Variants in GAS6 observed in about 807,000 individuals in gnomAD.
GAS6 encodes growth arrest specific 6, also known as growth arrest-specific protein 6.
In GAS6, 41 loss-of-function variants were observed where a neutral mutation model predicts 75.8. The ratio of observed to expected loss-of-function variants is 0.54; its 90% CI spans 0.42 to 0.70. The LOEUF (loss-of-function observed/expected upper bound fraction) is 0.70. Among genes scored for constraint, GAS6 ranks in the 30% least tolerant of loss-of-function variants. The probability of loss-of-function intolerance (pLI) is 0.00; values close to 1 mark genes in which losing one functional copy is unlikely to be tolerated. For synonymous variants in GAS6, 432 were observed against 412.6 expected (o/e 1.05, Z -0.57); for missense variants, 854 against 940.2 (o/e 0.91, Z 1.20).
rs1194235407 is a variant in GAS6 at position 113,823,544 on chromosome 13, G to A, written c.1484C>T (p.Thr495Ile). The A allele has an allele frequency of 1.2e-6, 2 of 1,610,278 alleles. No individual in the cohort carries two copies. Among genetic ancestry groups the A allele is most frequent in the Non-Finnish European group, 1.7e-6 (2 of 1,178,302 alleles). ...FAFYSLDYMR[T>I]PLDVGTESTW... ...TGATTCAGTCCCGACGTCCAGAGGG[G>A]TCCGCACTGCAATGAAAGCGGTGCA... The change falls in exon 13 of 15, where the codon ACC (threonine) becomes ATC (isoleucine). Residue 495 changes from threonine (T) to isoleucine (I), a missense_variant. Thr to Ile is a moderately conservative substitution (Grantham distance 89, BLOSUM62 -1). Coordinates refer to ENST00000327773, the MANE Select transcript of GAS6 (RefSeq NM_000820.4).
At position 113,821,920 on chromosome 13, in the gene GAS6, G is replaced by C; in HGVS notation, c.1882+38C>G. On this transcript the variant is annotated intron_variant, in intron 14 of 14. Transcript: ENST00000327773. ...GGTGACCAAGCTGGGCCTCCCTGGA[G>C]CTCTTCACCCGGGTTGAGCGGAGCA... is the stretch of plus-strand genomic sequence containing the variant. 3 of 1,466,212 alleles carry C rather than the reference G, an allele frequency of 2.0e-6. No individual in the cohort carries two copies. The South Asian group carries it at 3.9e-5, about 19-fold the overall frequency. The allele number at this position is 1,466,212 out of a possible 1,614,324, so 90.8% of individuals were successfully genotyped here.
rs750258083 is a variant in GAS6 at position 113,821,026 on chromosome 13, G to A, written c.1883-8C>T. 16 of 1,611,830 alleles carry A rather than the reference G, an allele frequency of 9.9e-6. No homozygotes were observed. The highest frequency in any genetic ancestry group is 4.0e-5 in the African/African-American group (3 of 74,916). The stretch of plus-strand genomic sequence containing the variant: ...CTGAAGTCACCGGCACATCTGGGCC[G>A]CAGGGAGAGAACAACATATCTTAGC... On this transcript the variant is annotated splice_region_variant and splice_polypyrimidine_tract_variant and intron_variant, in intron 14 of 14. Transcript: ENST00000327773.
chr13:113,859,386 G>C (rs541361046), intron 2 of GAS6, among the ~76,000 whole-genome samples: 1 of 151,206 alleles, frequency 6.6e-6, no homozygotes, highest in Admixed American at 6.6e-5. Context: ...ATGTGTGCAT[G>C]TATGTATACA....
Position 113,855,110 on chromosome 13 carries a change from C to T in GAS6, c.256-7060G>A, listed in dbSNP as rs536753521. On this transcript the variant is annotated intron_variant, in intron 2 of 14. Coordinates refer to ENST00000327773, the MANE Select transcript of GAS6 (RefSeq NM_000820.4). ...ATATAAAACAGCAAAATAAAATAGT[C>T]GTGGGCACAGGGCCAGTGATTCTGC... Among the ~76,000 whole-genome samples, 131 of 152,342 alleles carry T rather than the reference C, an allele frequency of 8.6e-4. No homozygotes were observed. In the South Asian group the frequency reaches 8.7e-3, roughly 10 times the overall value.
At chr13:113,858,212 CTGTG>C (rs1276781188) in intron 2 of GAS6, among the ~76,000 whole-genome samples, 1 of 152,200 alleles carries the variant, frequency 6.6e-6, no homozygotes, top group Non-Finnish European at 1.5e-5. Flanking sequence ...GCACATGTGT[CTGTG>C]TGTGTCTGCA....
At chr13:113,824,910 A>G (rs2051515027) in intron 12 of GAS6, among the ~76,000 whole-genome samples, 1 of 152,148 alleles carries the variant, frequency 6.6e-6, no homozygotes. Context: ...GGGAGAGATG[A>G]TGGTGTTCTT....
At chr13:113,851,074 A>G (rs149168784) in intron 2 of GAS6, among the ~76,000 whole-genome samples, 3,905 of 151,584 alleles carry the variant, frequency 0.026, 77 homozygotes, top group Non-Finnish European at 0.036. Flanking sequence ...TGAACAAATG[A>G]ATGAGTGGAT....
chr13:113,847,007 C>T (rs2051839266), intron 3 of GAS6: 2 of 506,930 alleles, frequency 3.9e-6, no homozygotes, highest in Non-Finnish European at 7.8e-6. Flanking sequence ...TCCATGCTCT[C>T]TGGCTGGCTG....
At chr13:113,846,452 C>G (rs1594205701) in intron 4 of GAS6, 75 bp downstream of exon 4, 2 of 1,345,812 alleles carry the variant, frequency 1.5e-6, no homozygotes, top group Non-Finnish European at 2.1e-6. Context: ...TCAGGGCCCT[C>G]CACAAACCAC....
intron 12 of GAS6, among the ~76,000 whole-genome samples, chr13:113,824,390 T>G (rs1239633403): frequency 7.0e-6 from 1 of 142,178 alleles, no homozygotes; most frequent in African/African-American, 2.6e-5. Flanking sequence ...GCACGCGCGG[T>G]CTGGGGTCTG....
At position 113,820,588 on chromosome 13, in the gene GAS6, A is replaced by G; in HGVS notation, c.*276T>C. The G allele has an allele frequency of 4.5e-6, 2 of 442,888 alleles. No homozygotes were observed. Among genetic ancestry groups the G allele is most frequent in the Non-Finnish European group, 8.0e-6 (2 of 248,482 alleles). The allele number at this position is 442,888 out of a possible 1,614,324, so 27.4% of individuals were successfully genotyped here. A position where few individuals can be genotyped will look rare whatever the true frequency, so the allele number is the denominator to read the frequency against. On this transcript the variant is annotated 3_prime_UTR_variant, in exon 15 of 15. Coordinates refer to ENST00000327773, the MANE Select transcript of GAS6 (RefSeq NM_000820.4). ...GTAAATATTTTATTTTCCATATTTT[A>G]GAGTCAGAAAGAAGCGCTTGGTAAT...
In GAS6 at chr13:113,837,981, G is replaced by A; in HGVS notation, c.589+88C>T. The A allele has an allele frequency of 2.6e-6, 4 of 1,526,468 alleles. No homozygotes were observed. The highest frequency in any genetic ancestry group is 3.5e-5 in the Admixed American group (2 of 56,910). The allele number at this position is 1,526,468 out of a possible 1,614,324, so 94.6% of individuals were successfully genotyped here. A position where few individuals can be genotyped will look rare whatever the true frequency, so the allele number is the denominator to read the frequency against. ...ATCCAGAACCACAGGAACCCAGCCA[G>A]CAGCAGCCGCTTGCAGAAGAGCAGA... On this transcript the variant is annotated intron_variant, in intron 6 of 14. Coordinates refer to ENST00000327773, the MANE Select transcript of GAS6 (RefSeq NM_000820.4). The surrounding 1 kb of genome is among the most constrained non-coding windows in gnomAD (Gnocchi z 5.1).
At chr13:113,846,910 C>G (rs781169054) in intron 3 of GAS6, 2 of 471,130 alleles carry the variant, frequency 4.2e-6, no homozygotes, top group Non-Finnish European at 4.1e-6. Context: ...TGACGGTACT[C>G]GAAAAGCTAA....
chr13:113,846,754 A>G (rs1166415378), intron 3 of GAS6, among the ~76,000 whole-genome samples, 165 bp from the exon 4 acceptor site: 1 of 152,232 alleles, frequency 6.6e-6, no homozygotes, highest in African/African-American at 2.4e-5. Flanking sequence ...AAAACATGTT[A>G]GCCCCAACCC....
At chr13:113,822,381 G>A in intron 13 of GAS6, 195 bp from the exon 14 acceptor site, 1 of 492,384 alleles carries the variant, frequency 2.0e-6, no homozygotes, top group East Asian at 3.3e-5. Flanking sequence ...CAGCTTCTCT[G>A]CACGTAAAGC....
chr13:113,825,234 C>CAAAAAAA (rs71105207), intron 12 of GAS6, among the ~76,000 whole-genome samples: 1 of 58,360 alleles, frequency 1.7e-5, no homozygotes, highest in Non-Finnish European at 3.2e-5. Context: ...AACTCCGTCT[C>CAAAAAAA]AAAAAAAAAA....
intron 10 of GAS6, among the ~76,000 whole-genome samples, chr13:113,831,418 G>A (rs1046749342): frequency 2.0e-5 from 3 of 152,296 alleles, no homozygotes; most frequent in South Asian, 2.1e-4. Context: ...CGGGAGACAC[G>A]TACGGCGGGA....
chr13:113,840,262 T>C (rs930667520), intron 4 of GAS6: 1 of 204,586 alleles, frequency 4.9e-6, no homozygotes, highest in Non-Finnish European at 9.8e-6. Context: ...CCCTAGCCCA[T>C]CTCTGGTGAA....
In GAS6 at chr13:113,828,226, T is replaced by C. The variant is rs914578136; in HGVS notation, c.1308+321A>G. ...TTGCAGTGAGCCGAGATCGCGCCAC[T>C]GCACTCCAGCCTGGGCAACAGAGCA... On this transcript the variant is annotated intron_variant, in intron 11 of 14. Coordinates refer to ENST00000327773, the MANE Select transcript of GAS6 (RefSeq NM_000820.4). Among the ~76,000 whole-genome samples the C allele has an allele frequency of 8.5e-5, 13 of 152,258 alleles. No individual in the cohort carries two copies. The East Asian group carries it at 1.4e-3, about 16-fold the overall frequency.
Sources: allele counts gnomAD v4.1 joint callset (sites outside exome capture counted in the v4.1 genomes callset), GRCh38; gene constraint gnomAD v4.1.1; non-coding constraint Gnocchi (gnomAD v3.1); transcripts MANE v1.5; gene names NCBI Gene and HGNC (gene_info 2026-07-23, HGNC 2026-07-21).